EML4: variants seen among roughly 807,000 people sequenced by gnomAD.
The protein encoded by EML4 is echinoderm microtubule-associated protein-like 4.
EML4 carries 72 observed loss-of-function variants against 129.0 expected under a neutral mutation model. That is an observed-to-expected ratio of 0.56 (90% confidence interval 0.46 to 0.68). The LOEUF is 0.68. EML4 is among the 30% of genes least tolerant of loss of function. EML4 has a pLI of 0.00. For synonymous variants in EML4, 532 were observed against 405.0 expected (o/e 1.31, Z -3.77); for missense variants, 1,363 against 1,190.6 (o/e 1.14, Z -2.13).
In EML4 at chr2:42,300,436, A is replaced by T. The variant is rs549838176; in HGVS notation, c.1490-805A>T. On this transcript the variant is annotated intron_variant, in intron 13 of 22. Transcript: ENST00000318522. Reference sequence around the variant, plus strand: ...CATGTGTTTGCCTAAAAGACCTTTTATGTACCCCCTTGGTCTCTCCCTGGG... The same window carrying T: ...CATGTGTTTGCCTAAAAGACCTTTTTTGTACCCCCTTGGTCTCTCCCTGGG... Among the ~76,000 whole-genome samples, 11 of 152,344 alleles carry T rather than the reference A, an allele frequency of 7.2e-5. No homozygotes were observed. The South Asian group carries it at 2.3e-3, about 32-fold the overall frequency.
At chr2:42,252,078 T>C (rs770807462) in intron 2 of EML4, among the ~76,000 whole-genome samples, 8 of 152,222 alleles carry the variant, frequency 5.3e-5, no homozygotes, top group Admixed American at 1.3e-4. Flanking sequence ...TTGGGATAGA[T>C]GCAAGAATAA....
intron 19 of EML4, among the ~76,000 whole-genome samples, chr2:42,318,839 G>T (rs2103799678): frequency 6.6e-6 from 1 of 151,960 alleles, no homozygotes; most frequent in Non-Finnish European, 1.5e-5. Flanking sequence ...TGACTAGCTG[G>T]CACCATAGGT....
At chr2:42,296,727 G>C (rs1206751274) in intron 13 of EML4, among the ~76,000 whole-genome samples, 1 of 152,154 alleles carries the variant, frequency 6.6e-6, no homozygotes, top group East Asian at 1.9e-4. Flanking sequence ...AGTAAAAGTT[G>C]AGTAGTATTG....
intron 1 of EML4, among the ~76,000 whole-genome samples, chr2:42,201,193 T>C (rs919178095): frequency 2.6e-5 from 4 of 152,242 alleles, no homozygotes; most frequent in African/African-American, 9.6e-5. Flanking sequence ...CATCAAAATC[T>C]AGCTATTAAG....
chr2:42,288,559 C>T lies in EML4; in HGVS notation c.1218+237C>T, dbSNP rs77424722. ...TCAATATTTCAGACATTACTATAGT[C>T]CTGAAATGCCAGAGTAGATGGATGT... On this transcript the variant is annotated intron_variant, in intron 11 of 22. Transcript: ENST00000318522. 8.1e-3 allele frequency: 1,965 copies of T among 241,616 alleles called. 37 individuals carry two copies. The highest frequency in any genetic ancestry group is 0.041 in the African/African-American group (1,839 of 44,860). The allele number at this position is 241,616 out of a possible 1,614,324, so 15.0% of individuals were successfully genotyped here.
intron 1 of EML4, among the ~76,000 whole-genome samples, chr2:42,197,356 G>A (rs952189514): frequency 2.0e-5 from 3 of 151,916 alleles, no homozygotes; most frequent in East Asian, 1.9e-4. Context: ...GAGCCACCAC[G>A]CCCCATCTTT....
Position 42,192,328 on chromosome 2 carries a change from C to G in EML4, c.25+22692C>G, listed in dbSNP as rs62144748. On this transcript the variant is annotated intron_variant, in intron 1 of 22. Transcript: ENST00000318522. ...CTTGGTGCTTAACTGCAACCTCTGC[C>G]TGCTGGCTTCAAGAGATTCTCCCGC... Among the ~76,000 whole-genome samples, 20 of 151,048 alleles carry G rather than the reference C, an allele frequency of 1.3e-4. No homozygotes were observed. The East Asian group carries it at 3.3e-3, about 25-fold the overall frequency.
chr2:42,216,897 G>C (rs1312744941), intron 1 of EML4, among the ~76,000 whole-genome samples: 1 of 152,160 alleles, frequency 6.6e-6, no homozygotes, highest in East Asian at 1.9e-4. Flanking sequence ...AGTAAGAGTT[G>C]AAAGTGATGA....
chr2:42,172,635 A>G (rs778439172), intron 1 of EML4, among the ~76,000 whole-genome samples: 1 of 152,136 alleles, frequency 6.6e-6, no homozygotes, highest in Non-Finnish European at 1.5e-5. Flanking sequence ...TGGTAACTTA[A>G]GGCAGCACTT....
At chr2:42,264,952 G>A (rs2104400089) in intron 6 of EML4, 1 of 1,550,374 alleles carries the variant, frequency 6.5e-7, no homozygotes, top group Admixed American at 2.0e-5. Flanking sequence ...AACAGCCAAG[G>A]TAAGAATAAG....
intron 19 of EML4, among the ~76,000 whole-genome samples, chr2:42,324,704 C>G (rs550822110): frequency 1.6e-4 from 24 of 152,332 alleles, no homozygotes; most frequent in African/African-American, 5.8e-4. Flanking sequence ...AAATTCAAGT[C>G]TCTGTCAGCT....
chr2:42,326,829 C>G (rs1002589100), intron 21 of EML4, among the ~76,000 whole-genome samples: 4 of 152,294 alleles, frequency 2.6e-5, no homozygotes, highest in African/African-American at 9.6e-5. Context: ...CTGCAGTGAG[C>G]TGAGATTGTG....
chr2:42,224,074 A>G (rs1253839905), intron 1 of EML4, among the ~76,000 whole-genome samples: 1 of 152,142 alleles, frequency 6.6e-6, no homozygotes, highest in African/African-American at 2.4e-5. Context: ...TATAATTCAC[A>G]TGCCATATGA....
chr2:42,311,002 A>G lies in EML4; in HGVS notation c.1968-4960A>G, dbSNP rs578069932. ...AAAATGATTTACCAAAAGTAGAAGAATTAGTGTCTAATAATGTATTAATAA... is the reference window on the plus strand; with the variant it reads ...AAAATGATTTACCAAAAGTAGAAGAGTTAGTGTCTAATAATGTATTAATAA... On this transcript the variant is annotated intron_variant, in intron 17 of 22. Coordinates refer to ENST00000318522, the MANE Select transcript of EML4 (RefSeq NM_019063.5). 1.1e-4 allele frequency among the ~76,000 whole-genome samples: 17 copies of G among 152,372 alleles called. No homozygotes were observed. In the East Asian group the frequency reaches 1.9e-3, roughly 17 times the overall value.
intron 2 of EML4, among the ~76,000 whole-genome samples, chr2:42,247,951 T>C (rs1675520482): frequency 6.6e-6 from 1 of 152,122 alleles, no homozygotes; most frequent in Non-Finnish European, 1.5e-5. Flanking sequence ...CGATGTTTGA[T>C]TGCTATTCAC....
intron 5 of EML4, among the ~76,000 whole-genome samples, chr2:42,264,113 T>G (rs966000211): frequency 6.2e-4 from 89 of 143,200 alleles, no homozygotes; most frequent in Middle Eastern, 3.4e-3. Context: ...GTTTTTTTTT[T>G]TTTTTTTTTT....
intron 5 of EML4, 141 bp downstream of exon 5, chr2:42,263,447 C>T: frequency 1.3e-6 from 1 of 793,736 alleles, no homozygotes; most frequent in Non-Finnish European, 1.8e-6. Context: ...GCTCTGTCGC[C>T]AGGCTGGAGT....
chr2:42,309,989 G>A (rs1253228796), intron 17 of EML4, among the ~76,000 whole-genome samples: 2 of 152,094 alleles, frequency 1.3e-5, no homozygotes, highest in East Asian at 1.9e-4. Context: ...TCTCCAATTC[G>A]TCTTGAGTTA....
chr2:42,264,985 A>G, intron 6 of EML4: 1 of 1,538,140 alleles, frequency 6.5e-7, no homozygotes, highest in Non-Finnish European at 8.8e-7. Flanking sequence ...TTGCCTTCTA[A>G]GTGAATTTTT....
Sources: gnomAD v4.1 joint callset for allele counts (sites outside exome capture counted in the v4.1 genomes callset) on GRCh38, gnomAD v4.1.1 for gene constraint, MANE v1.5 for transcripts, NCBI Gene and HGNC (gene_info 2026-07-23, HGNC 2026-07-21) for gene names.